Variants in KCNIP4 observed in about 807,000 individuals in gnomAD.
KCNIP4 encodes the protein potassium voltage-gated channel interacting protein 4.
In KCNIP4, 12 loss-of-function variants were observed where a neutral mutation model predicts 34.0. The ratio of observed to expected loss-of-function variants is 0.35; its 90% confidence interval spans 0.23 to 0.57. KCNIP4 has a LOEUF of 0.57. KCNIP4 is among the 20% of genes least tolerant of loss of function. The pLI, the probability that KCNIP4 is intolerant of heterozygous loss-of-function variation, is 0.83. For synonymous variants in KCNIP4, 124 were observed against 102.2 expected (o/e 1.21, Z -1.29); for missense variants, 238 against 311.7 (o/e 0.76, Z 1.78).
At chr4:21,471,463 T>C (rs938442490) in intron 1 of KCNIP4, among the ~76,000 whole-genome samples, 1 of 152,210 alleles carries the variant, frequency 6.6e-6, no homozygotes, top group Non-Finnish European at 1.5e-5. Flanking sequence ...TTTATCGGAA[T>C]CTTTATCTCT....
At chr4:21,590,643 A>C (rs577470031) in intron 1 of KCNIP4, among the ~76,000 whole-genome samples, 61 of 152,134 alleles carry the variant, frequency 4.0e-4, no homozygotes, top group African/African-American at 1.4e-3. Context: ...ATAGATATAC[A>C]TATATTAAAA....
At chr4:21,247,379 T>A (rs1193860636) in intron 1 of KCNIP4, among the ~76,000 whole-genome samples, 2 of 151,832 alleles carry the variant, frequency 1.3e-5, no homozygotes, top group Admixed American at 1.3e-4. Flanking sequence ...TTCTTGTTCA[T>A]TAGGACTCTT....
At chr4:21,699,873 A>G (rs1712693339) in intron 1 of KCNIP4, among the ~76,000 whole-genome samples, 1 of 152,152 alleles carries the variant, frequency 6.6e-6, no homozygotes, top group African/African-American at 2.4e-5. Context: ...AGGGAGCAAG[A>G]GTGGAAGAAG....
In KCNIP4 at chr4:21,107,531, G is replaced by C. The variant is rs1205968263; in HGVS notation, c.62-224822C>G. Among the ~76,000 whole-genome samples the C allele has an allele frequency of 5.3e-5, 8 of 150,370 alleles. No homozygotes were observed. In the South Asian group the frequency reaches 1.7e-3, roughly 32 times the overall value. On this transcript the variant is annotated intron_variant, in intron 1 of 8. Transcript: ENST00000382152. ...ATGGGTTTCCTGAATACAGCACACT[G>C]ATGGGTCTTGACTCTTTATCCAATT...
At chr4:21,622,334 T>C (rs547872366) in intron 1 of KCNIP4, among the ~76,000 whole-genome samples, 1 of 152,302 alleles carries the variant, frequency 6.6e-6, no homozygotes, top group African/African-American at 2.4e-5. Context: ...TTGGCTGATA[T>C]GTATAATCAG....
At chr4:21,942,706 G>A (rs191412802) in intron 1 of KCNIP4, among the ~76,000 whole-genome samples, 90 of 152,320 alleles carry the variant, frequency 5.9e-4, no homozygotes, top group Admixed American at 2.5e-3. Flanking sequence ...ATGGGACAAC[G>A]TGATTTAATT....
chr4:21,121,700 G>C (rs1185712661), intron 1 of KCNIP4, among the ~76,000 whole-genome samples: 1 of 152,162 alleles, frequency 6.6e-6, no homozygotes, highest in Non-Finnish European at 1.5e-5. Context: ...GTGAGATATT[G>C]CATACAAAAC....
rs1226370079 is a variant in KCNIP4, at chr4:21,528,768, A to G, written c.61+419803T>C. On this transcript the variant is annotated intron_variant, in intron 1 of 8. Coordinates refer to ENST00000382152, the MANE Select transcript of KCNIP4 (RefSeq NM_025221.6). ...GAAAGAAAGAAAGAAAGAAAGAAAG[A>G]AAGAAAGAAAGGAAGAAAGGAAGAA... Among the ~76,000 whole-genome samples, 34 of 9,926 alleles carry G rather than the reference A, an allele frequency of 3.4e-3. 1 individual carries two copies. The highest frequency in any genetic ancestry group is 4.1e-3 in the East Asian group (1 of 246). 6.5% of individuals were successfully genotyped at this position (9,926 alleles called of 152,430 possible).
At chr4:21,023,658 C>T (rs1030927044) in intron 1 of KCNIP4, among the ~76,000 whole-genome samples, 4 of 152,008 alleles carry the variant, frequency 2.6e-5, no homozygotes, top group Non-Finnish European at 4.4e-5. Context: ...GATCCTAGTG[C>T]TTTGGGAGGC....
chr4:21,310,998 G>A (rs1713096573), intron 1 of KCNIP4, among the ~76,000 whole-genome samples: 1 of 152,204 alleles, frequency 6.6e-6, no homozygotes, highest in Admixed American at 6.6e-5. Flanking sequence ...GTACAATGCA[G>A]AGGTTAAGAG....
At chr4:20,903,179 G>A (rs1324651447) in intron 1 of KCNIP4, among the ~76,000 whole-genome samples, 2 of 152,140 alleles carry the variant, frequency 1.3e-5, no homozygotes, top group Non-Finnish European at 2.9e-5. Context: ...TGAAAACACT[G>A]CAAACTATCA....
chr4:21,465,938 A>T (rs529113130), intron 1 of KCNIP4, among the ~76,000 whole-genome samples: 19 of 152,288 alleles, frequency 1.2e-4, no homozygotes, highest in African/African-American at 4.6e-4. Context: ...TCTTCCCTGG[A>T]GCAAGAACAC....
At chr4:21,702,080 C>T (rs975620289) in intron 1 of KCNIP4, among the ~76,000 whole-genome samples, 1 of 152,096 alleles carries the variant, frequency 6.6e-6, no homozygotes, top group Non-Finnish European at 1.5e-5. Context: ...ATATGTTGTT[C>T]AATGCAGGCT....
chr4:20,907,703 T>G (rs567069626), intron 1 of KCNIP4, among the ~76,000 whole-genome samples: 6 of 152,276 alleles, frequency 3.9e-5, no homozygotes, highest in African/African-American at 1.4e-4. Flanking sequence ...TGTGCTGTTG[T>G]TAGAAATGTA....
intron 1 of KCNIP4, among the ~76,000 whole-genome samples, chr4:21,248,712 T>C (rs1164805906): frequency 6.6e-6 from 1 of 152,166 alleles, no homozygotes; most frequent in East Asian, 1.9e-4. Context: ...CATGTACCAT[T>C]TTCACAGCCT....
rs10560597 is a variant in KCNIP4 at position 21,790,969 on chromosome 4, CAAAAAA to C, written c.61+157596_61+157601del. The stretch of plus-strand genomic sequence containing the variant: ...CTCCTTTATTTGCCTGCGCACTCCA[CAAAAAA>C]AAAAAAAAAAAAAAAAAAAAGTTAT... On this transcript the variant is annotated intron_variant, in intron 1 of 8. Coordinates refer to ENST00000382152, the MANE Select transcript of KCNIP4 (RefSeq NM_025221.6). 6.4e-3 allele frequency among the ~76,000 whole-genome samples: 576 copies of C among 89,632 alleles called. 4 individuals carry two copies. Among genetic ancestry groups the C allele is most frequent in the African/African-American group, 0.018 (534 of 29,620 alleles). The allele number at this position is 89,632 out of a possible 152,430, so 58.8% of individuals were successfully genotyped here.
intron 1 of KCNIP4, among the ~76,000 whole-genome samples, chr4:21,622,563 T>C (rs569992767): frequency 9.2e-5 from 14 of 152,302 alleles, no homozygotes; most frequent in African/African-American, 3.4e-4. Context: ...AAGACATGTA[T>C]TCATAATATC....
chr4:21,196,806 T>C (rs1380252610), intron 1 of KCNIP4, among the ~76,000 whole-genome samples: 3 of 152,144 alleles, frequency 2.0e-5, no homozygotes, highest in Admixed American at 2.0e-4. Flanking sequence ...AATTTAACAT[T>C]GAGGTAGAAA....
At chr4:21,090,529 C>T (rs778005255) in intron 1 of KCNIP4, among the ~76,000 whole-genome samples, 2 of 152,164 alleles carry the variant, frequency 1.3e-5, no homozygotes, top group Non-Finnish European at 2.9e-5. Context: ...TGTTTAAAAA[C>T]AATTCACACT....
Sources: gnomAD v4.1 joint callset for allele counts (sites outside exome capture counted in the v4.1 genomes callset) on GRCh38, gnomAD v4.1.1 for gene constraint, MANE v1.5 for transcripts, NCBI Gene and HGNC (gene_info 2026-07-23, HGNC 2026-07-21) for gene names.